The following NRG2 variants were observed in gnomAD, a reference collection of about 807,000 sequenced individuals.
NRG2 encodes the protein neuregulin 2, also known as pro-neuregulin-2, membrane-bound isoform.
NRG2 carries 27 observed loss-of-function variants against 73.9 expected under a neutral mutation model. The ratio of observed to expected loss-of-function variants is 0.37; its 90% CI spans 0.27 to 0.50. The LOEUF (loss-of-function observed/expected upper bound fraction) is 0.50, where lower values mean the gene tolerates loss of function less well. NRG2 is among the 20% of genes least tolerant of loss of function. The probability of loss-of-function intolerance (pLI) is 0.96; values close to 1 mark genes in which losing one functional copy is unlikely to be tolerated. For synonymous variants in NRG2, 532 were observed against 541.0 expected (o/e 0.98, Z 0.23); for missense variants, 1,126 against 1,210.1 (o/e 0.93, Z 1.03).
At chr5:139,888,921 TAAC>T (rs1764041735) in intron 1 of NRG2, among the ~76,000 whole-genome samples, 1 of 152,164 alleles carries the variant, frequency 6.6e-6, no homozygotes, top group African/African-American at 2.4e-5. Flanking sequence ...TGGATAATAA[TAAC>T]AATAATAGCT....
At position 139,865,434 on chromosome 5, in the gene NRG2, A is replaced by C; in HGVS notation, c.1189+115T>G. ...ACAAAAAAGAAAAGAGAAACAAAAC[A>C]AAACAGCCAAAGATCAAAACAACCA... On this transcript the variant is annotated intron_variant, in intron 5 of 9. Coordinates refer to ENST00000361474, the MANE Select transcript of NRG2 (RefSeq NM_004883.3). The surrounding 1 kb of genome is among the most constrained non-coding windows in gnomAD (Gnocchi z 5.2). The C allele has an allele frequency of 1.2e-6, 1 of 807,874 alleles. No homozygotes were observed. Among genetic ancestry groups the C allele is most frequent in the Non-Finnish European group, 2.1e-6 (1 of 482,322 alleles). 50.0% of individuals were successfully genotyped at this position (807,874 alleles called of 1,614,324 possible). A position where few individuals can be genotyped will look rare whatever the true frequency, so the allele number is the denominator to read the frequency against.
At chr5:139,941,802 T>C (rs763616830) in intron 1 of NRG2, among the ~76,000 whole-genome samples, 1 of 152,220 alleles carries the variant, frequency 6.6e-6, no homozygotes, top group Non-Finnish European at 1.5e-5. Flanking sequence ...TCAGAAAATA[T>C]GTCCATTGCA....
Position 140,043,203 on chromosome 5 carries a change from C to G in NRG2, c.-134G>C. On this transcript the variant is annotated 5_prime_UTR_variant, in exon 1 of 10. Transcript: ENST00000361474. The surrounding 1 kb of genome is among the most constrained non-coding windows in gnomAD (Gnocchi z 6.7). The stretch of plus-strand genomic sequence containing the variant: ...CTCCACCGGCAGCCCGGGGAGGTGG[C>G]CCAGCTAGGGCAGGGGGCAGGCGGC... 9.6e-7 allele frequency: 1 copy of G among 1,039,260 alleles called. No homozygotes were observed. Among genetic ancestry groups the G allele is most frequent in the South Asian group, 1.7e-5 (1 of 58,148 alleles). 64.4% of individuals were successfully genotyped at this position (1,039,260 alleles called of 1,614,324 possible). A position where few individuals can be genotyped will look rare whatever the true frequency, so the allele number is the denominator to read the frequency against.
intron 1 of NRG2, among the ~76,000 whole-genome samples, chr5:139,914,400 A>C (rs982073396): frequency 3.9e-5 from 6 of 152,260 alleles, no homozygotes; most frequent in Admixed American, 3.9e-4. Context: ...GAGTGCACAC[A>C]TCTGGAGTGG....
chr5:139,913,379 C>A (rs1665565323), intron 1 of NRG2, among the ~76,000 whole-genome samples: 1 of 152,204 alleles, frequency 6.6e-6, no homozygotes. Flanking sequence ...GAGGTGCCCA[C>A]CACAAGCCTT....
At chr5:140,005,721 AG>A (rs1758844199) in intron 1 of NRG2, among the ~76,000 whole-genome samples, 1 of 152,212 alleles carries the variant, frequency 6.6e-6, no homozygotes, top group Non-Finnish European at 1.5e-5. Flanking sequence ...CCAGCTCCTC[AG>A]GCATCTCAAG....
chr5:139,871,533 G>A (rs538440982), intron 4 of NRG2, among the ~76,000 whole-genome samples, 188 bp downstream of exon 4: 1 of 152,232 alleles, frequency 6.6e-6, no homozygotes, highest in South Asian at 2.1e-4. Context: ...AAGCCCCTGT[G>A]CCCCTTAGAG....
Position 139,871,855 on chromosome 5 carries a change from A to T in NRG2, c.992-14T>A. 1 of 1,612,928 alleles carries T rather than the reference A, an allele frequency of 6.2e-7. No homozygotes were observed. The highest frequency in any genetic ancestry group is 1.1e-5 in the South Asian group (1 of 90,930). ...GGGTGGTGCTCACTGAGGGTATGAG[A>T]GACATGTGCCAGTGACGCACTGAGA... On this transcript the variant is annotated splice_polypyrimidine_tract_variant and intron_variant, in intron 3 of 9. Transcript: ENST00000361474.
intron 1 of NRG2, among the ~76,000 whole-genome samples, chr5:140,017,676 A>G (rs1466201446): frequency 1.3e-5 from 2 of 152,246 alleles, no homozygotes; most frequent in African/African-American, 4.8e-5. Flanking sequence ...GAGATGGTAG[A>G]GCAGACAAAT....
At chr5:139,942,453 T>C (rs1392890907) in intron 1 of NRG2, among the ~76,000 whole-genome samples, 1 of 152,244 alleles carries the variant, frequency 6.6e-6, no homozygotes. Context: ...AGATTCCACT[T>C]CAGGTTGTAC....
intron 1 of NRG2, among the ~76,000 whole-genome samples, chr5:140,031,059 C>T (rs1159236717): frequency 6.6e-6 from 1 of 152,190 alleles, no homozygotes; most frequent in Admixed American, 6.5e-5. Flanking sequence ...GATTTGGTCC[C>T]ACCCTCATCC....
chr5:139,972,554 G>A (rs1226398907), intron 1 of NRG2, among the ~76,000 whole-genome samples: 6 of 152,122 alleles, frequency 3.9e-5, no homozygotes, highest in African/African-American at 9.7e-5. Flanking sequence ...GTGAAACCCC[G>A]TTTCTACTAA....
intron 1 of NRG2, among the ~76,000 whole-genome samples, chr5:139,919,765 T>C (rs576414401): frequency 1.8e-4 from 28 of 152,192 alleles, no homozygotes; most frequent in Non-Finnish European, 3.8e-4. Context: ...ATGTACACCA[T>C]GCAACACTAA....
chr5:139,944,217 T>C (rs1753627707), intron 1 of NRG2, among the ~76,000 whole-genome samples: 2 of 152,204 alleles, frequency 1.3e-5, no homozygotes, highest in Admixed American at 1.3e-4. Context: ...TCAGGGCAAT[T>C]AGCATATCCA....
rs947706253 is a variant in NRG2 at position 139,851,180 on chromosome 5, G to A, written c.1772+424C>T. On this transcript the variant is annotated intron_variant, in intron 9 of 9. Coordinates refer to ENST00000361474, the MANE Select transcript of NRG2 (RefSeq NM_004883.3). This position sits in a 1 kb window ranked among gnomAD's most constrained non-coding sequence, Gnocchi z 4.2. The stretch of plus-strand genomic sequence containing the variant: ...TTTTGTATTTTTAGTAAAGATGGGG[G>A]TTTCACCATGTTGGCCAGACTAGTC... 2.0e-5 allele frequency among the ~76,000 whole-genome samples: 3 copies of A among 151,994 alleles called. No homozygotes were observed. The highest frequency in any genetic ancestry group is 7.2e-5 in the African/African-American group (3 of 41,382).
At chr5:139,863,343 G>A (rs1224505575) in intron 5 of NRG2, among the ~76,000 whole-genome samples, 1 of 152,254 alleles carries the variant, frequency 6.6e-6, no homozygotes, top group Non-Finnish European at 1.5e-5. Context: ...CTCTGGGAAA[G>A]TGCTTGAAGA....
intron 1 of NRG2, among the ~76,000 whole-genome samples, chr5:139,890,805 A>C (rs2127140363): frequency 6.6e-6 from 1 of 152,288 alleles, no homozygotes; most frequent in East Asian, 1.9e-4. Flanking sequence ...ATTTTTGGAA[A>C]TGTAACATAC....
At chr5:139,939,297 A>G (rs1217756740) in intron 1 of NRG2, among the ~76,000 whole-genome samples, 1 of 131,712 alleles carries the variant, frequency 7.6e-6, no homozygotes, top group Non-Finnish European at 1.6e-5. Flanking sequence ...CTTTTTTTAA[A>G]TGGAGTCTTG....
At chr5:139,855,915 C>T in intron 5 of NRG2, 137 bp from the exon 6 acceptor site, 1 of 661,472 alleles carries the variant, frequency 1.5e-6, no homozygotes, top group Non-Finnish European at 2.7e-6. Context: ...CATCCCTTTT[C>T]TCCAGCCAGT....
Sources: gnomAD v4.1 joint callset for allele counts (sites outside exome capture counted in the v4.1 genomes callset) on GRCh38, gnomAD v4.1.1 for gene constraint, Gnocchi (gnomAD v3.1) non-coding constraint, MANE v1.5 for transcripts, NCBI Gene and HGNC (gene_info 2026-07-23, HGNC 2026-07-21) for gene names.